COL14A1: variants seen among roughly 807,000 people sequenced by gnomAD.
COL14A1 encodes the protein collagen type XIV alpha 1 chain.
In COL14A1, 136 loss-of-function variants were observed where a neutral mutation model predicts 230.3. The observed-to-expected ratio is 0.59, with a 90% CI of 0.51 to 0.68. COL14A1 has a LOEUF of 0.68. Among genes scored for constraint, COL14A1 ranks in the 30% least tolerant of loss-of-function variants. COL14A1 has a pLI of 0.00. For missense variants in COL14A1, 1,976 were observed against 2,215.8 expected, an observed-to-expected ratio of 0.89 and a Z score of 2.17; for synonymous variants, 792 against 784.1, an observed-to-expected ratio of 1.01 and a Z score of -0.17.
At chr8:120,164,973 A>G (rs1008162118) in intron 4 of COL14A1, among the ~76,000 whole-genome samples, 1 of 152,250 alleles carries the variant, frequency 6.6e-6, no homozygotes, top group Non-Finnish European at 1.5e-5. Flanking sequence ...TTCAAAACAC[A>G]TAAAAGGAAA....
At chr8:120,153,141 G>T (rs570008735) in intron 2 of COL14A1, among the ~76,000 whole-genome samples, 1 of 151,756 alleles carries the variant, frequency 6.6e-6, no homozygotes, top group Admixed American at 6.6e-5. Context: ...AAAACATTTA[G>T]GCAGTACATT....
At chr8:120,271,513 G>T (rs1021101547) in intron 26 of COL14A1, among the ~76,000 whole-genome samples, 1 of 151,614 alleles carries the variant, frequency 6.6e-6, no homozygotes, top group Non-Finnish European at 1.5e-5. Context: ...ACTCTAAATT[G>T]TGTGTGACAG....
intron 34 of COL14A1, among the ~76,000 whole-genome samples, chr8:120,295,988 T>A (rs1283624830): frequency 6.6e-6 from 1 of 151,964 alleles, no homozygotes; most frequent in Non-Finnish European, 1.5e-5. Flanking sequence ...AAATAAGCTA[T>A]AATGTATTTT....
chr8:120,339,849 C>T (rs1463161914), intron 42 of COL14A1, among the ~76,000 whole-genome samples: 1 of 151,952 alleles, frequency 6.6e-6, no homozygotes, highest in East Asian at 1.9e-4. Context: ...ACCATCCTGG[C>T]CACCATGGTG....
chr8:120,178,212 G>A lies in COL14A1; in HGVS notation c.436+9965G>A, dbSNP rs1457570355. Among the ~76,000 whole-genome samples the A allele has an allele frequency of 2.0e-5, 3 of 152,092 alleles. No individual in the cohort carries two copies. In the South Asian group the frequency reaches 6.2e-4, roughly 32 times the overall value. On this transcript the variant is annotated intron_variant, in intron 5 of 47. Coordinates refer to ENST00000297848, the MANE Select transcript of COL14A1 (RefSeq NM_021110.4). ...ATCTGCATTAGGTATTTCTCCTAATGCTATCCCTCCCCTAGCCTCCCATCC... is the reference window on the plus strand; with the variant it reads ...ATCTGCATTAGGTATTTCTCCTAATACTATCCCTCCCCTAGCCTCCCATCC...
At chr8:120,156,497 T>G (rs2130512811) in intron 2 of COL14A1, among the ~76,000 whole-genome samples, 1 of 152,292 alleles carries the variant, frequency 6.6e-6, no homozygotes, top group East Asian at 1.9e-4. Context: ...TGAATCATCT[T>G]TCAAAGAAAC....
chr8:120,127,503 G>C (rs1486744330), intron 1 of COL14A1, among the ~76,000 whole-genome samples: 1 of 152,188 alleles, frequency 6.6e-6, no homozygotes, highest in Non-Finnish European at 1.5e-5. Flanking sequence ...GCTGCGAACC[G>C]TCCAGCTGAG....
At chr8:120,156,882 G>A (rs1053912203) in intron 2 of COL14A1, among the ~76,000 whole-genome samples, 8 of 152,106 alleles carry the variant, frequency 5.3e-5, no homozygotes, top group Non-Finnish European at 1.2e-4. Flanking sequence ...CAAACCCCAT[G>A]TTATACCCCA....
At chr8:120,363,744 T>G (rs1823309330) in intron 45 of COL14A1, among the ~76,000 whole-genome samples, 1 of 152,184 alleles carries the variant, frequency 6.6e-6, no homozygotes, top group Non-Finnish European at 1.5e-5. Context: ...CCTATAGTTT[T>G]GGGGCCATGT....
intron 1 of COL14A1, among the ~76,000 whole-genome samples, chr8:120,132,103 C>T (rs1341770104): frequency 6.6e-6 from 1 of 151,974 alleles, no homozygotes; most frequent in Non-Finnish European, 1.5e-5. Flanking sequence ...CCGCTTTGGC[C>T]TCCCAAAGTG....
At chr8:120,129,817 A>C (rs1814469716) in intron 1 of COL14A1, among the ~76,000 whole-genome samples, 1 of 152,224 alleles carries the variant, frequency 6.6e-6, no homozygotes, top group Admixed American at 6.5e-5. Flanking sequence ...AGCTGTACAC[A>C]CATTAGCCCT....
At chr8:120,188,455 T>C (rs187962205) in intron 5 of COL14A1, among the ~76,000 whole-genome samples, 7 of 152,300 alleles carry the variant, frequency 4.6e-5, no homozygotes, top group African/African-American at 1.7e-4. Context: ...TTCCAACTCT[T>C]CTCATCACAA....
chr8:120,260,654 T>G (rs1819293349), intron 23 of COL14A1, among the ~76,000 whole-genome samples: 1 of 152,176 alleles, frequency 6.6e-6, no homozygotes, highest in Non-Finnish European at 1.5e-5. Flanking sequence ...GAATAATTGT[T>G]TTTTCATGGT....
At chr8:120,303,373 G>A (rs1218681801) in intron 36 of COL14A1, among the ~76,000 whole-genome samples, 1 of 152,100 alleles carries the variant, frequency 6.6e-6, no homozygotes. Flanking sequence ...TTGGCTGCAG[G>A]TTTGTCATAT....
At chr8:120,342,573 T>C in intron 44 of COL14A1, 127 bp downstream of exon 44, 1 of 832,614 alleles carries the variant, frequency 1.2e-6, no homozygotes, top group Non-Finnish European at 2.0e-6. Flanking sequence ...ACACATAAGC[T>C]TTACAGATGA....
At chr8:120,274,425 G>T (rs1819775767) in intron 26 of COL14A1, among the ~76,000 whole-genome samples, 1 of 151,730 alleles carries the variant, frequency 6.6e-6, no homozygotes, top group Non-Finnish European at 1.5e-5. Flanking sequence ...ACAAGACAAA[G>T]ATACTCATTT....
Position 120,347,493 on chromosome 8 carries a change from A to G in COL14A1, c.5077+1930A>G, listed in dbSNP as rs28406069. ...GGTCAGGGCTTATAGGCCAGCATCC[A>G]AGGGGCTCCTCATTCCCGGCAAAGT... On this transcript the variant is annotated intron_variant, in intron 45 of 47. Transcript: ENST00000297848. Among the ~76,000 whole-genome samples, 908 of 152,288 alleles carry G rather than the reference A, an allele frequency of 6.0e-3. 13 individuals are homozygous for G. Among genetic ancestry groups the G allele is most frequent in the African/African-American group, 0.02 (811 of 41,556 alleles).
chr8:120,185,729 A>ACCGGAC (rs1366958934), intron 5 of COL14A1, among the ~76,000 whole-genome samples: 3 of 152,002 alleles, frequency 2.0e-5, no homozygotes, highest in Non-Finnish European at 4.4e-5. Flanking sequence ...GGTAACTAGT[A>ACCGGAC]AGTCAGTCAC....
At position 120,208,384 on chromosome 8, in the gene COL14A1, C is replaced by T. The variant is rs745922828; in HGVS notation, c.1321+23C>T. The T allele has an allele frequency of 2.9e-5, 47 of 1,606,970 alleles. No homozygotes were observed. The Middle Eastern group carries it at 6.6e-4, about 23-fold the overall frequency. On this transcript the variant is annotated intron_variant, in intron 11 of 47. Transcript: ENST00000297848. The stretch of plus-strand genomic sequence containing the variant: ...CACGTATGTATTTAATTCTACCCCA[C>T]TTCTAACTTTGTAGAGTGCTGCTTA...
Sources: gnomAD v4.1 joint callset for allele counts (sites outside exome capture counted in the v4.1 genomes callset) on GRCh38, gnomAD v4.1.1 for gene constraint, MANE v1.5 for transcripts, NCBI Gene and HGNC (gene_info 2026-07-23, HGNC 2026-07-21) for gene names.